The following ATXN7L3B variants were observed in gnomAD, a reference collection of about 807,000 sequenced individuals.
ATXN7L3B encodes ataxin 7 like 3B.
ATXN7L3B carries 4 observed loss-of-function variants against 6.3 expected under a neutral mutation model. The observed-to-expected ratio is 0.63, with a 90% CI of 0.31 to 1.45. The LOEUF is 1.45. Among genes scored for constraint, ATXN7L3B ranks in the 40% most tolerant of loss-of-function variants. The pLI, the probability that ATXN7L3B is intolerant of heterozygous loss-of-function variation, is 0.07. For synonymous variants in ATXN7L3B, 63 were observed against 48.0 expected (o/e 1.31, Z -1.29); for missense variants, 120 against 118.5 (o/e 1.01, Z -0.06).
rs1210362006 is a variant in ATXN7L3B at position 74,538,897 on chromosome 12, A to C, written c.*491A>C. 5.8e-6 allele frequency: 1 copy of C among 171,624 alleles called. No individual in the cohort carries two copies. Among genetic ancestry groups the C allele is most frequent in the Admixed American group, 6.1e-5 (1 of 16,416 alleles). The allele number at this position is 171,624 out of a possible 1,614,324, so 10.6% of individuals were successfully genotyped here. ...GGCTTCTCTGAGACAAGTAAATGTC[A>C]GGTGCAAGATCTGGATACTAACAGT... On this transcript the variant is annotated 3_prime_UTR_variant, in exon 1 of 1. Transcript: ENST00000519948.
At position 74,538,005 on chromosome 12, in the gene ATXN7L3B, A is replaced by C. The variant is rs1471850714; in HGVS notation, c.-108A>C. 1.9e-6 allele frequency: 2 copies of C among 1,056,884 alleles called. No individual in the cohort carries two copies. The highest frequency in any genetic ancestry group is 1.6e-5 in the African/African-American group (1 of 62,178). 65.5% of individuals were successfully genotyped at this position (1,056,884 alleles called of 1,614,324 possible). A position where few individuals can be genotyped will look rare whatever the true frequency, so the allele number is the denominator to read the frequency against. On this transcript the variant is annotated 5_prime_UTR_variant, in exon 1 of 1. Coordinates refer to ENST00000519948, the MANE Select transcript of ATXN7L3B (RefSeq NM_001136262.2). ...CGGACGCCACCGACCCCGCCGCCGG[A>C]GGACTGGGCACTGAAAGGCCTCTAG...
In ATXN7L3B at chr12:74,538,189, T is replaced by G. The variant is rs1163255681; in HGVS notation, c.77T>G (p.Ile26Arg). ...AIAQEIYVDL[I>R]EDSCLGFCFE... ...GCTCAGGAGATTTACGTAGACCTGATAGAGGATTCTTGTTTGGGATTCTGC... is the reference window on the plus strand; with the variant it reads ...GCTCAGGAGATTTACGTAGACCTGAGAGAGGATTCTTGTTTGGGATTCTGC... Residue 26 changes from isoleucine (I) to arginine (R), a missense_variant, in exon 1 of 1, where the codon ATA becomes AGA. Physicochemically the swap from Ile to Arg is moderately conservative, Grantham distance 97 (BLOSUM62 -3). Coordinates refer to ENST00000519948, the MANE Select transcript of ATXN7L3B (RefSeq NM_001136262.2). 6.2e-7 allele frequency: 1 copy of G among 1,600,796 alleles called. No homozygotes were observed. The highest frequency in any genetic ancestry group is 8.5e-7 in the Non-Finnish European group (1 of 1,173,488).
chr12:74,539,690 A>G lies in ATXN7L3B; in HGVS notation c.*1284A>G, dbSNP rs1335126355. 1 of 167,098 alleles carries G rather than the reference A, an allele frequency of 6.0e-6. No individual in the cohort carries two copies. Among genetic ancestry groups the G allele is most frequent in the Non-Finnish European group, 1.5e-5 (1 of 68,150 alleles). 10.4% of individuals were successfully genotyped at this position (167,098 alleles called of 1,614,324 possible). Reference sequence around the variant, plus strand: ...CAACAGGAGCAGTCCTTTTATTGTTAGAAGTCAGAGAAAGACCTCCAGAAT... The same window carrying G: ...CAACAGGAGCAGTCCTTTTATTGTTGGAAGTCAGAGAAAGACCTCCAGAAT... On this transcript the variant is annotated 3_prime_UTR_variant, in exon 1 of 1. Coordinates refer to ENST00000519948, the MANE Select transcript of ATXN7L3B (RefSeq NM_001136262.2).
rs1448188979 is a variant in ATXN7L3B at position 74,544,460 on chromosome 12, CAGAAACAATGGAAT to C, written c.*6059_*6072del. On this transcript the variant is annotated 3_prime_UTR_variant, in exon 1 of 1. Coordinates refer to ENST00000519948, the MANE Select transcript of ATXN7L3B (RefSeq NM_001136262.2). ...ACAGATGTATATTTTAGTTTTGGTG[CAGAAACAATGGAAT>C]AGAATAGAGTTTAGAATTAGATCGA... 6.6e-6 allele frequency: 1 copy of C among 151,844 alleles called. No homozygotes were observed. The highest frequency in any genetic ancestry group is 1.5e-5 in the Non-Finnish European group (1 of 67,828). 9.4% of individuals were successfully genotyped at this position (151,844 alleles called of 1,614,324 possible).
Position 74,538,207 on chromosome 12 carries a change from G to T in ATXN7L3B, c.95G>T (p.Gly32Val). 6.2e-7 allele frequency: 1 copy of T among 1,604,408 alleles called. No homozygotes were observed. The highest frequency in any genetic ancestry group is 1.7e-5 in the Admixed American group (1 of 58,788). The change falls in exon 1 of 1, where the codon GGA becomes GTA. Residue 32 changes from glycine to valine, a missense_variant. Gly to Val is a moderately radical substitution (Grantham distance 109). Coordinates refer to ENST00000519948, the MANE Select transcript of ATXN7L3B (RefSeq NM_001136262.2). ...GACCTGATAGAGGATTCTTGTTTGG[G>T]ATTCTGCTTTGAGGTGCACCGGGCA... ...YVDLIEDSCL[G>V]FCFEVHRAVK...
In ATXN7L3B at chr12:74,537,995, C is replaced by G; in HGVS notation, c.-118C>G. 1 of 960,880 alleles carries G rather than the reference C, an allele frequency of 1.0e-6. No homozygotes were observed. The highest frequency in any genetic ancestry group is 1.7e-5 in the South Asian group (1 of 57,940). The allele number at this position is 960,880 out of a possible 1,614,324, so 59.5% of individuals were successfully genotyped here. A position where few individuals can be genotyped will look rare whatever the true frequency, so the allele number is the denominator to read the frequency against. ...CCTGCAGTTGCGGACGCCACCGACC[C>G]CGCCGCCGGAGGACTGGGCACTGAA... On this transcript the variant is annotated 5_prime_UTR_variant, in exon 1 of 1. Transcript: ENST00000519948.
chr12:74,538,101 T>C lies in ATXN7L3B; in HGVS notation c.-12T>C. On this transcript the variant is annotated 5_prime_UTR_variant, in exon 1 of 1. Transcript: ENST00000519948. ...AAACGAGCGCCCTCTCCGCACTCGT[T>C]TACAAATTAAAATGGAGGAAATTTC... 1.3e-6 allele frequency: 2 copies of C among 1,551,702 alleles called. No homozygotes were observed. The highest frequency in any genetic ancestry group is 1.7e-6 in the Non-Finnish European group (2 of 1,146,624).
chr12:74,537,867 C>T lies in ATXN7L3B; in HGVS notation c.-246C>T, dbSNP rs1868758381. 3 of 503,298 alleles carry T rather than the reference C, an allele frequency of 6.0e-6. No homozygotes were observed. The highest frequency in any genetic ancestry group is 3.6e-5 in the Admixed American group (1 of 27,518). 31.2% of individuals were successfully genotyped at this position (503,298 alleles called of 1,614,324 possible). ...TGGGTGAGGCGCTGAGACGGTTTGG[C>T]GGTGAGTCCTGGGCCAGGCGCAGCT... On this transcript the variant is annotated 5_prime_UTR_variant, in exon 1 of 1. Transcript: ENST00000519948.
chr12:74,538,412 A>G lies in ATXN7L3B; in HGVS notation c.*6A>G, dbSNP rs1397051877. 1.3e-6 allele frequency: 2 copies of G among 1,549,240 alleles called. No homozygotes were observed. The highest frequency in any genetic ancestry group is 2.4e-5 in the South Asian group (2 of 83,894). ...CACCTCCGGAATTCCAGTAGCTGCA[A>G]AATGAGAGTCTGAAAGTGGCCAGGA... On this transcript the variant is annotated 3_prime_UTR_variant, in exon 1 of 1. Coordinates refer to ENST00000519948, the MANE Select transcript of ATXN7L3B (RefSeq NM_001136262.2).
At position 74,538,301 on chromosome 12, in the gene ATXN7L3B, A is replaced by G. The variant is rs1868774674; in HGVS notation, c.189A>G (p.Pro63=). Residue 63 remains proline (P), a synonymous_variant, in exon 1 of 1, where the codon CCA becomes CCG. Coordinates refer to ENST00000519948, the MANE Select transcript of ATXN7L3B (RefSeq NM_001136262.2). ...GCGTGAAGGATTTTGGCATTCAGCCAGTGGAAGACAAAGGAGCGTGCCGCC... is the reference window on the plus strand; with the variant it reads ...GCGTGAAGGATTTTGGCATTCAGCCGGTGGAAGACAAAGGAGCGTGCCGCC... ...TGSVKDFGIQ[P]VEDKGACRLP... 6.4e-7 allele frequency: 1 copy of G among 1,557,652 alleles called. No individual in the cohort carries two copies. The highest frequency in any genetic ancestry group is 1.9e-5 in the Admixed American group (1 of 51,424).
Position 74,545,386 on chromosome 12 carries a change from T to A in ATXN7L3B, c.*6980T>A, listed in dbSNP as rs1405152408. 2 of 152,162 alleles carry A rather than the reference T, an allele frequency of 1.3e-5. No individual in the cohort carries two copies. The highest frequency in any genetic ancestry group is 2.9e-5 in the Non-Finnish European group (2 of 67,956). 9.4% of individuals were successfully genotyped at this position (152,162 alleles called of 1,614,324 possible). On this transcript the variant is annotated 3_prime_UTR_variant, in exon 1 of 1. Transcript: ENST00000519948. ...CAATAGGCAAATCAATGCTGTATGT[T>A]GTTTAAATAATTGTGAATATGAAAT...
At position 74,538,023 on chromosome 12, in the gene ATXN7L3B, G is replaced by A. The variant is rs1868764652; in HGVS notation, c.-90G>A. 5 of 1,305,122 alleles carry A rather than the reference G, an allele frequency of 3.8e-6. No homozygotes were observed. The highest frequency in any genetic ancestry group is 5.2e-6 in the Non-Finnish European group (5 of 953,200). 80.8% of individuals were successfully genotyped at this position (1,305,122 alleles called of 1,614,324 possible). A position where few individuals can be genotyped will look rare whatever the true frequency, so the allele number is the denominator to read the frequency against. The stretch of plus-strand genomic sequence containing the variant: ...CCGCCGGAGGACTGGGCACTGAAAG[G>A]CCTCTAGGCCTAGGCGCGGCCCGCG... On this transcript the variant is annotated 5_prime_UTR_variant, in exon 1 of 1. Transcript: ENST00000519948.
In ATXN7L3B at chr12:74,538,446, T is replaced by G. The variant is rs908630379; in HGVS notation, c.*40T>G. Reference sequence around the variant, plus strand: ...TCTGAAAGTGGCCAGGACAATAACATAGACTGGTCCTGTGGCTTCGAGGAG... The same window carrying G: ...TCTGAAAGTGGCCAGGACAATAACAGAGACTGGTCCTGTGGCTTCGAGGAG... On this transcript the variant is annotated 3_prime_UTR_variant, in exon 1 of 1. Transcript: ENST00000519948. The G allele has an allele frequency of 1.8e-5, 28 of 1,519,834 alleles. No homozygotes were observed. The African/African-American group carries it at 3.0e-4, about 17-fold the overall frequency. 94.1% of individuals were successfully genotyped at this position (1,519,834 alleles called of 1,614,324 possible).
Position 74,541,237 on chromosome 12 carries a change from C to G in ATXN7L3B, c.*2831C>G, listed in dbSNP as rs530337285. 1.2e-5 allele frequency: 2 copies of G among 166,720 alleles called. No homozygotes were observed. Among genetic ancestry groups the G allele is most frequent in the Non-Finnish European group, 2.9e-5 (2 of 68,098 alleles). The allele number at this position is 166,720 out of a possible 1,614,324, so 10.3% of individuals were successfully genotyped here. A position where few individuals can be genotyped will look rare whatever the true frequency, so the allele number is the denominator to read the frequency against. On this transcript the variant is annotated 3_prime_UTR_variant, in exon 1 of 1. Transcript: ENST00000519948. ...TACATTAGTTCCCACCATCGCATGC[C>G]CAGGGACCACTGCCTGGCATTATCG...
In ATXN7L3B at chr12:74,538,479, A is replaced by G; in HGVS notation, c.*73A>G. ...TCCTGTGGCTTCGAGGAGTAAGCTAAGTAGAAAAAAGTAGAAAAATCAGAC... is the reference window on the plus strand; with the variant it reads ...TCCTGTGGCTTCGAGGAGTAAGCTAGGTAGAAAAAAGTAGAAAAATCAGAC... On this transcript the variant is annotated 3_prime_UTR_variant, in exon 1 of 1. Transcript: ENST00000519948. 4 of 1,289,770 alleles carry G rather than the reference A, an allele frequency of 3.1e-6. No individual in the cohort carries two copies. Among genetic ancestry groups the G allele is most frequent in the Non-Finnish European group, 4.2e-6 (4 of 951,072 alleles). 79.9% of individuals were successfully genotyped at this position (1,289,770 alleles called of 1,614,324 possible). A position where few individuals can be genotyped will look rare whatever the true frequency, so the allele number is the denominator to read the frequency against.
chr12:74,538,495 A>C lies in ATXN7L3B; in HGVS notation c.*89A>C. 8.2e-7 allele frequency: 1 copy of C among 1,221,364 alleles called. No individual in the cohort carries two copies. The highest frequency in any genetic ancestry group is 1.6e-5 in the South Asian group (1 of 62,700). 75.7% of individuals were successfully genotyped at this position (1,221,364 alleles called of 1,614,324 possible). A position where few individuals can be genotyped will look rare whatever the true frequency, so the allele number is the denominator to read the frequency against. On this transcript the variant is annotated 3_prime_UTR_variant, in exon 1 of 1. Coordinates refer to ENST00000519948, the MANE Select transcript of ATXN7L3B (RefSeq NM_001136262.2). ...AGTAAGCTAAGTAGAAAAAAGTAGA[A>C]AAATCAGACAAAAGTTTTAATTCCC...
rs1181050353 is a variant in ATXN7L3B, at chr12:74,538,606, A to AGC, written c.*201_*202dup. 4.1e-5 allele frequency: 25 copies of AGC among 606,444 alleles called. No individual in the cohort carries two copies. The highest frequency in any genetic ancestry group is 3.7e-4 in the African/African-American group (20 of 53,814). 37.6% of individuals were successfully genotyped at this position (606,444 alleles called of 1,614,324 possible). The stretch of plus-strand genomic sequence containing the variant: ...GTGTATTACCTGGAGCAAGCTCTGA[A>AGC]GCCCTGGGCAGGAGGAGCTGCACAG... On this transcript the variant is annotated 3_prime_UTR_variant, in exon 1 of 1. Coordinates refer to ENST00000519948, the MANE Select transcript of ATXN7L3B (RefSeq NM_001136262.2).
chr12:74,538,084 GC>G lies in ATXN7L3B; in HGVS notation c.-26del. 6.5e-7 allele frequency: 1 copy of G among 1,544,200 alleles called. No individual in the cohort carries two copies. Among genetic ancestry groups the G allele is most frequent in the Non-Finnish European group, 8.8e-7 (1 of 1,141,690 alleles). The stretch of plus-strand genomic sequence containing the variant: ...TGTTGCTGCCGTGAGTAAAACGAGC[GC>G]CCTCTCCGCACTCGTTTACAAATTA... On this transcript the variant is annotated 5_prime_UTR_variant, in exon 1 of 1. Coordinates refer to ENST00000519948, the MANE Select transcript of ATXN7L3B (RefSeq NM_001136262.2).
rs984583377 is a variant in ATXN7L3B, at chr12:74,541,444, A to T, written c.*3038A>T. 2 of 167,138 alleles carry T rather than the reference A, an allele frequency of 1.2e-5. No individual in the cohort carries two copies. Among genetic ancestry groups the T allele is most frequent in the East Asian group, 3.9e-4 (2 of 5,188 alleles). The allele number at this position is 167,138 out of a possible 1,614,324, so 10.4% of individuals were successfully genotyped here. On this transcript the variant is annotated 3_prime_UTR_variant, in exon 1 of 1. Transcript: ENST00000519948. ...CATTGGTAAACAGTAATAAAATTTT[A>T]AAAAATGACTACTTGGTCCTTGGAC...
Sources: gnomAD v4.1 joint callset for allele counts on GRCh38, gnomAD v4.1.1 for gene constraint, MANE v1.5 for transcripts, NCBI Gene and HGNC (gene_info 2026-07-23, HGNC 2026-07-21) for gene names.